The following KIF1A variants were observed in gnomAD, a reference collection of about 807,000 sequenced individuals.
KIF1A encodes the protein kinesin family member 1A, also known as kinesin-like protein KIF1A.
A neutral mutation model predicts 227.3 loss-of-function variants in KIF1A; 46 were observed. That is an observed-to-expected ratio of 0.20 (90% CI 0.16 to 0.26). The LOEUF is 0.26. Among genes scored for constraint, KIF1A ranks in the 10% least tolerant of loss-of-function variants. The pLI, the probability that KIF1A is intolerant of heterozygous loss-of-function variation, is 1.00. For missense variants in KIF1A, 1,683 were observed against 2,485.9 expected (o/e 0.68, Z 6.87); for synonymous variants, 1,022 against 1,012.8 (o/e 1.01, Z -0.17).
chr2:240,819,447 G>C (rs2058562087), intron 1 of KIF1A, among the ~76,000 whole-genome samples: 1 of 152,130 alleles, frequency 6.6e-6, no homozygotes, highest in Non-Finnish European at 1.5e-5. Flanking sequence ...TCTCTGGCGT[G>C]GGAGGGGGTG....
intron 27 of KIF1A, among the ~76,000 whole-genome samples, chr2:240,756,028 A>G (rs1401194034): frequency 6.6e-6 from 1 of 152,080 alleles, no homozygotes; most frequent in Non-Finnish European, 1.5e-5. Context: ...ACAGCCTAGT[A>G]ACACTCATGA....
chr2:240,754,384 T>C (rs1368538122), intron 27 of KIF1A, among the ~76,000 whole-genome samples: 1 of 152,152 alleles, frequency 6.6e-6, no homozygotes, highest in African/African-American at 2.4e-5. Flanking sequence ...CGTCCCAGTC[T>C]GCCTGGCTCG....
intron 45 of KIF1A, 139 bp downstream of exon 45, chr2:240,720,775 C>T (rs1291084605): frequency 1.9e-6 from 2 of 1,065,678 alleles, no homozygotes; most frequent in Non-Finnish European, 1.3e-6. Flanking sequence ...CCTCCAGGCC[C>T]TTCCCTCAGC....
Position 240,757,329 on chromosome 2 carries a change from A to T in KIF1A, c.2848T>A (p.Leu950Ile). 6.5e-7 allele frequency: 1 copy of T among 1,550,368 alleles called. No individual in the cohort carries two copies. The highest frequency in any genetic ancestry group is 8.7e-7 in the Non-Finnish European group (1 of 1,146,974). ...PFYDRPPLFS[L>I]VGRAFVYLSN... Reference sequence around the variant, plus strand: ...CTCGACCTCACCAACCTTCCTACTAAACTGAACAGGGGGGGCCGGTCGTAA... The same window carrying T: ...CTCGACCTCACCAACCTTCCTACTATACTGAACAGGGGGGGCCGGTCGTAA... The change falls in exon 27 of 49, where the codon TTA becomes ATA. Residue 950 changes from leucine (L) to isoleucine (I), a missense_variant. By Grantham distance (5) the Leu-to-Ile change is conservative (BLOSUM62 2). Coordinates refer to ENST00000498729, the MANE Select transcript of KIF1A (RefSeq NM_001244008.2). The surrounding 1 kb of genome is among the most constrained non-coding windows in gnomAD (Gnocchi z 6.2).
intron 35 of KIF1A, 51 bp downstream of exon 35, chr2:240,741,218 G>A (rs572524126): frequency 3.0e-5 from 38 of 1,285,896 alleles, no homozygotes; most frequent in Middle Eastern, 2.2e-4. Context: ...CCCTCTCCGC[G>A]CACCCCCCGA....
chr2:240,727,573 A>G (rs1432492902), intron 38 of KIF1A, among the ~76,000 whole-genome samples: 3 of 152,206 alleles, frequency 2.0e-5, no homozygotes, highest in Non-Finnish European at 4.4e-5. Flanking sequence ...GCATGGAGGC[A>G]GGGTGGCTGC....
rs1222610607 is a variant in KIF1A, at chr2:240,788,640, T to TG, written c.184-411dup. 6.7e-6 allele frequency among the ~76,000 whole-genome samples: 1 copy of TG among 150,174 alleles called. No individual in the cohort carries two copies. The highest frequency in any genetic ancestry group is 1.5e-5 in the Non-Finnish European group (1 of 67,614). ...CGCCTGGACACTGTCCTGAGGACAG[T>TG]GGGGCACTTTAGGCAGGGGGACAGG... On this transcript the variant is annotated intron_variant, in intron 3 of 48. Transcript: ENST00000498729. This position sits in a 1 kb window ranked among gnomAD's most constrained non-coding sequence, Gnocchi z 6.6.
At chr2:240,772,230 G>T (rs577139471) in intron 14 of KIF1A, among the ~76,000 whole-genome samples, 1 of 152,168 alleles carries the variant, frequency 6.6e-6, no homozygotes, top group Non-Finnish European at 1.5e-5. Context: ...CCTGACCTTC[G>T]CAGGCCTTTG....
At chr2:240,761,791 G>A (rs2050564287) in intron 23 of KIF1A, among the ~76,000 whole-genome samples, 1 of 152,212 alleles carries the variant, frequency 6.6e-6, no homozygotes, top group Admixed American at 6.5e-5. Context: ...GAGTCAGGCT[G>A]AAGATCAGAG....
chr2:240,766,976 A>G lies in KIF1A; in HGVS notation c.1623T>C (p.Ser541=). Residue 541 remains serine, a synonymous_variant, in exon 19 of 49, where the codon AGT becomes AGC. Transcript: ENST00000498729. This position sits in a 1 kb window ranked among gnomAD's most constrained non-coding sequence, Gnocchi z 5.0. ...AGTGCTCCTCCTTGATGAAGTGCCCACTCAGAACAATGTCCTGCCGCCTCT... is the reference window on the plus strand; with the variant it reads ...AGTGCTCCTCCTTGATGAAGTGCCCGCTCAGAACAATGTCCTGCCGCCTCT... ...DGERRQDIVL[S]GHFIKEEHCV... is the part of the protein sequence containing the mutation. 1 of 1,612,204 alleles carries G rather than the reference A, an allele frequency of 6.2e-7. No individual in the cohort carries two copies. Among genetic ancestry groups the G allele is most frequent in the Middle Eastern group, 1.7e-4 (1 of 6,056 alleles).
Position 240,722,666 on chromosome 2 carries a change from G to A in KIF1A, c.4465-10C>T, listed in dbSNP as rs750461872. ...GCCTAGTCTTCTCCACCTTCAGACA[G>A]GACACAAGGCCTTACCTGCTGCACC... On this transcript the variant is annotated splice_polypyrimidine_tract_variant and intron_variant, in intron 42 of 48. Transcript: ENST00000498729. The A allele has an allele frequency of 7.6e-5, 114 of 1,507,188 alleles. No individual in the cohort carries two copies. Among genetic ancestry groups the A allele is most frequent in the Non-Finnish European group, 9.3e-5 (104 of 1,123,784 alleles). 93.4% of individuals were successfully genotyped at this position (1,507,188 alleles called of 1,614,324 possible).
intron 38 of KIF1A, among the ~76,000 whole-genome samples, chr2:240,728,197 G>A (rs1439355853): frequency 2.6e-5 from 4 of 152,206 alleles, no homozygotes; most frequent in Non-Finnish European, 5.9e-5. Context: ...CAAGTCGGGG[G>A]TGTGGAAGGA....
At chr2:240,795,893 G>A (rs1188665756) in intron 2 of KIF1A, among the ~76,000 whole-genome samples, 2 of 152,200 alleles carry the variant, frequency 1.3e-5, no homozygotes, top group African/African-American at 4.8e-5. Context: ...CATCCACTCT[G>A]CTTCTGGTGG....
chr2:240,719,171 C>T lies in KIF1A; in HGVS notation c.5049G>A (p.Leu1683=). Residue 1683 remains leucine (L), a synonymous_variant, in exon 47 of 49, where the codon CTG becomes CTA. Transcript: ENST00000498729. ...VSPIVSKKGY[L]HFLEPHTSGW... is the part of the protein sequence containing the mutation. ...CTGACGTGTGCGGCTCCAGGAAGTG[C>T]AGGTACCCCTTCTTGGAAACGATCG... 1.2e-6 allele frequency: 2 copies of T among 1,608,024 alleles called. No individual in the cohort carries two copies. Among genetic ancestry groups the T allele is most frequent in the South Asian group, 1.1e-5 (1 of 90,472 alleles).
chr2:240,774,751 T>C (rs2125980922), intron 11 of KIF1A, among the ~76,000 whole-genome samples: 1 of 152,330 alleles, frequency 6.6e-6, no homozygotes, highest in South Asian at 2.1e-4. Context: ...GACTGTGTTC[T>C]TTCTCTTGAG....
rs1012700317 is a variant in KIF1A, at chr2:240,739,623, T to C, written c.3901+435A>G. 1.3e-5 allele frequency among the ~76,000 whole-genome samples: 2 copies of C among 152,252 alleles called. No individual in the cohort carries two copies. The highest frequency in any genetic ancestry group is 2.9e-5 in the Non-Finnish European group (2 of 68,006). ...GGAGAAGCCTGCGAAAATGCAGTGA[T>C]GCGTCTGCAGGCCAGGGTCGCCCAA... On this transcript the variant is annotated intron_variant, in intron 37 of 48. Coordinates refer to ENST00000498729, the MANE Select transcript of KIF1A (RefSeq NM_001244008.2). This position sits in a 1 kb window ranked among gnomAD's most constrained non-coding sequence, Gnocchi z 5.6.
intron 1 of KIF1A, among the ~76,000 whole-genome samples, chr2:240,806,896 A>G (rs1253265700): frequency 1.3e-5 from 2 of 152,160 alleles, no homozygotes; most frequent in Non-Finnish European, 2.9e-5. Context: ...TATCAGTCCT[A>G]TACAAACTCT....
chr2:240,798,391 C>T lies in KIF1A; in HGVS notation c.-60-579G>A, dbSNP rs536012013. 5.9e-5 allele frequency among the ~76,000 whole-genome samples: 9 copies of T among 152,366 alleles called. No homozygotes were observed. The South Asian group carries it at 8.3e-4, about 14-fold the overall frequency. On this transcript the variant is annotated intron_variant, in intron 1 of 48. Coordinates refer to ENST00000498729, the MANE Select transcript of KIF1A (RefSeq NM_001244008.2). ...GCAATGGGACAAAAGTCAACGTTTT[C>T]GGCCCAATGTCCTGCTGGTAATTCA...
chr2:240,796,759 C>T (rs781397483), intron 2 of KIF1A, among the ~76,000 whole-genome samples: 8 of 152,106 alleles, frequency 5.3e-5, no homozygotes, highest in African/African-American at 9.7e-5. Context: ...ACAGAGGGCC[C>T]GAGCAGAGCC....
Sources: gnomAD v4.1 joint callset for allele counts (sites outside exome capture counted in the v4.1 genomes callset) on GRCh38, gnomAD v4.1.1 for gene constraint, Gnocchi (gnomAD v3.1) non-coding constraint, MANE v1.5 for transcripts, NCBI Gene and HGNC (gene_info 2026-07-23, HGNC 2026-07-21) for gene names.